BORA: variants seen among roughly 807,000 people sequenced by gnomAD.
The protein encoded by BORA is BORA aurora kinase A activator.
In BORA, 26 loss-of-function variants were observed where a neutral mutation model predicts 55.8. That is an observed-to-expected ratio of 0.47 (90% CI 0.34 to 0.65). The LOEUF (loss-of-function observed/expected upper bound fraction) is 0.65, where lower values mean the gene tolerates loss of function less well. Ranked by LOEUF, BORA falls within the 30% of genes least tolerant of loss-of-function variation. The pLI is 0.01. For missense variants in BORA, 568 were observed against 671.5 expected, an observed-to-expected ratio of 0.85 and a Z score of 1.70; for synonymous variants, 201 against 216.9, an observed-to-expected ratio of 0.93 and a Z score of 0.64.
intron 3 of BORA, among the ~76,000 whole-genome samples, chr13:72,732,329 G>C (rs999233485): frequency 2.0e-4 from 30 of 152,098 alleles, no homozygotes; most frequent in African/African-American, 7.0e-4. Flanking sequence ...GTGTTAATAG[G>C]AAGGGAATAG....
intron 4 of BORA, among the ~76,000 whole-genome samples, chr13:72,737,473 T>G (rs1875478557): frequency 6.6e-6 from 1 of 152,192 alleles, no homozygotes; most frequent in African/African-American, 2.4e-5. Flanking sequence ...CCTTTATTTT[T>G]AATATATTTA....
chr13:72,730,400 C>T (rs755135414), intron 2 of BORA, among the ~76,000 whole-genome samples: 4 of 152,088 alleles, frequency 2.6e-5, no homozygotes, highest in South Asian at 2.1e-4. Flanking sequence ...TGGCATCTTG[C>T]GTTTTTAGGA....
Position 72,755,914 on chromosome 13 carries a change from C to G in BORA, c.*698C>G, listed in dbSNP as rs553114874. On this transcript the variant is annotated 3_prime_UTR_variant, in exon 12 of 12. Coordinates refer to ENST00000390667, the MANE Select transcript of BORA (RefSeq NM_024808.5). ...TAGGGTAGGGACATCCTTTCCAGCTCAAACGTGGGTAGGGATGTGGGAGAA... is the reference window on the plus strand; with the variant it reads ...TAGGGTAGGGACATCCTTTCCAGCTGAAACGTGGGTAGGGATGTGGGAGAA... 8.5e-5 allele frequency: 34 copies of G among 398,512 alleles called. No homozygotes were observed. Among genetic ancestry groups the G allele is most frequent in the Admixed American group, 2.2e-4 (5 of 22,724 alleles). 24.7% of individuals were successfully genotyped at this position (398,512 alleles called of 1,614,324 possible). A position where few individuals can be genotyped will look rare whatever the true frequency, so the allele number is the denominator to read the frequency against.
At chr13:72,751,612 G>A (rs1408337123) in intron 10 of BORA, among the ~76,000 whole-genome samples, 1 of 152,158 alleles carries the variant, frequency 6.6e-6, no homozygotes, top group Non-Finnish European at 1.5e-5. Flanking sequence ...AGCAGGGATA[G>A]GGAGAGGTTG....
Position 72,728,968 on chromosome 13 carries a change from C to T in BORA, c.28C>T (p.Gln10Ter). 1.1e-5 allele frequency: 18 copies of T among 1,605,296 alleles called. No individual in the cohort carries two copies. Among genetic ancestry groups the T allele is most frequent in the Non-Finnish European group, 1.5e-5 (18 of 1,177,360 alleles). The change falls in exon 2 of 12, where the codon CAA becomes TAA. Residue 10 changes from glutamine (Q) to a stop codon, truncating the protein, a stop_gained. Transcript: ENST00000390667. LOFTEE classifies it high-confidence loss of function. ...GGGAGATGTCAAGGAATCAAAGATG[C>T]AAATAACACCAGAAACTCCAGGAAG... MGDVKESKM[Q>*]ITPETPGRIP...
intron 5 of BORA, among the ~76,000 whole-genome samples, chr13:72,740,558 C>G (rs533163623): frequency 3.7e-4 from 56 of 152,252 alleles, no homozygotes; most frequent in Middle Eastern, 3.4e-3. Context: ...CCCATCATCA[C>G]AGAAAATGTT....
At chr13:72,747,171 T>G in intron 10 of BORA, 60 bp downstream of exon 10, 2 of 1,539,548 alleles carry the variant, frequency 1.3e-6, no homozygotes, top group South Asian at 2.4e-5. Flanking sequence ...TTATCCTTTC[T>G]AAGATTATAG....
intron 5 of BORA, among the ~76,000 whole-genome samples, chr13:72,740,347 C>T (rs977978746): frequency 6.6e-6 from 1 of 152,122 alleles, no homozygotes; most frequent in African/African-American, 2.4e-5. Flanking sequence ...TTAGCCAGCA[C>T]CAATGGAACT....
rs1283777379 is a variant in BORA at position 72,743,391 on chromosome 13, T to C, written c.389-146T>C. 1.5e-5 allele frequency: 7 copies of C among 468,498 alleles called. No homozygotes were observed. In the East Asian group the frequency reaches 1.8e-4, roughly 12 times the overall value. 29.0% of individuals were successfully genotyped at this position (468,498 alleles called of 1,614,324 possible). A position where few individuals can be genotyped will look rare whatever the true frequency, so the allele number is the denominator to read the frequency against. ...CAAAGGTAAAAAAATAATAGAAACA[T>C]ACCAAAATATATACTTATATATGCA... On this transcript the variant is annotated intron_variant, in intron 5 of 11. Coordinates refer to ENST00000390667, the MANE Select transcript of BORA (RefSeq NM_024808.5).
chr13:72,752,555 T>G (rs1219674116), intron 10 of BORA: 1 of 152,198 alleles, frequency 6.6e-6, no homozygotes, highest in Non-Finnish European at 1.5e-5. Flanking sequence ...TATTTGGCAG[T>G]GATGAATATT....
rs1019379254 is a variant in BORA, at chr13:72,738,054, TAA to T, written c.388+15_388+16del. On this transcript the variant is annotated intron_variant, in intron 5 of 11. Coordinates refer to ENST00000390667, the MANE Select transcript of BORA (RefSeq NM_024808.5). ...GTCATTCCAGTAAATGTGAGTGTACTAAAAATGATATGAATAAAAATCAAAAA... is the reference window on the plus strand; with the variant it reads ...GTCATTCCAGTAAATGTGAGTGTACTAAATGATATGAATAAAAATCAAAAA... The T allele has an allele frequency of 6.4e-7, 1 of 1,566,574 alleles. No individual in the cohort carries two copies. The highest frequency in any genetic ancestry group is 8.7e-7 in the Non-Finnish European group (1 of 1,146,878).
Position 72,745,975 on chromosome 13 carries a change from G to A in BORA, c.770G>A (p.Ser257Asn). Residue 257 changes from serine (S) to asparagine (N), a missense_variant, in exon 9 of 12, where the codon AGT (serine) becomes AAT (asparagine). By Grantham distance (46) the Ser-to-Asn change is conservative. Transcript: ENST00000390667. ...GQFSSSPIQA[S>N]AKKYSLGSIT... ...TTTTCTTCTAGCCCTATTCAGGCTA[G>A]TGCAAAAAAATACAGCTTGGGAAGC... The A allele has an allele frequency of 1.2e-6, 2 of 1,612,982 alleles. No homozygotes were observed. Among genetic ancestry groups the A allele is most frequent in the Non-Finnish European group, 8.5e-7 (1 of 1,179,254 alleles).
chr13:72,750,613 C>T (rs9543110), intron 10 of BORA, among the ~76,000 whole-genome samples: 67,798 of 151,806 alleles, frequency 0.45, 15,542 homozygotes, highest in Middle Eastern at 0.57. Flanking sequence ...AAACAGCATA[C>T]AGCATTTAAA....
chr13:72,753,869 A>G (rs765520755), intron 11 of BORA, 48 bp downstream of exon 11: 8 of 1,508,978 alleles, frequency 5.3e-6, no homozygotes, highest in South Asian at 2.4e-5. Flanking sequence ...GATTAGAAAT[A>G]TAAAATAATT....
At chr13:72,744,757 GACAGAAACTA>G (rs1270237277) in intron 7 of BORA, among the ~76,000 whole-genome samples, 196 bp downstream of exon 7, 1 of 152,138 alleles carries the variant, frequency 6.6e-6, no homozygotes, top group Non-Finnish European at 1.5e-5. Context: ...TATTACTATA[GACAGAAACTA>G]TAAACATTTT....
intron 3 of BORA, among the ~76,000 whole-genome samples, chr13:72,733,645 A>ATGATAAGATGAAGAGAACCAT (rs2032863318): frequency 6.6e-6 from 1 of 152,304 alleles, no homozygotes; most frequent in South Asian, 2.1e-4. Flanking sequence ...CATTTTGACC[A>ATGATAAGATGAAGAGAACCAT]TGATAAGATG....
intron 10 of BORA, chr13:72,752,130 T>C (rs2033293018): frequency 6.6e-6 from 1 of 152,228 alleles, no homozygotes; most frequent in Admixed American, 6.5e-5. Context: ...AAAGGCACCA[T>C]GACCCAACTG....
At position 72,755,609 on chromosome 13, in the gene BORA, A is replaced by G. The variant is rs1176277606; in HGVS notation, c.*393A>G. 2.8e-6 allele frequency: 1 copy of G among 351,638 alleles called. No individual in the cohort carries two copies. 21.8% of individuals were successfully genotyped at this position (351,638 alleles called of 1,614,324 possible). On this transcript the variant is annotated 3_prime_UTR_variant, in exon 12 of 12. Coordinates refer to ENST00000390667, the MANE Select transcript of BORA (RefSeq NM_024808.5). Reference sequence around the variant, plus strand: ...AACTGAAGGCACTATATATTTTTACATAAAAGCTTGAACATACAGATGAAT... The same window carrying G: ...AACTGAAGGCACTATATATTTTTACGTAAAAGCTTGAACATACAGATGAAT...
chr13:72,737,874 A>C lies in BORA; in HGVS notation c.307-88A>C. The C allele has an allele frequency of 4.2e-6, 3 of 711,062 alleles. No homozygotes were observed. The South Asian group carries it at 6.4e-5, about 15-fold the overall frequency. The allele number at this position is 711,062 out of a possible 1,614,324, so 44.0% of individuals were successfully genotyped here. ...TACAGTTATAAAGTTAGTATATGAC[A>C]TGTTTAATAATTACTTGGAAAAACA... On this transcript the variant is annotated intron_variant, in intron 4 of 11. Coordinates refer to ENST00000390667, the MANE Select transcript of BORA (RefSeq NM_024808.5).
Sources: gnomAD v4.1 joint callset for allele counts (sites outside exome capture counted in the v4.1 genomes callset) on GRCh38, gnomAD v4.1.1 for gene constraint, MANE v1.5 for transcripts, NCBI Gene and HGNC (gene_info 2026-07-23, HGNC 2026-07-21) for gene names.